The following ADAMTS6 variants were observed in gnomAD, a reference collection of about 807,000 sequenced individuals.
ADAMTS6 encodes the protein A disintegrin and metalloproteinase with thrombospondin motifs 6.
Under a neutral mutation model 144.3 loss-of-function variants are expected in ADAMTS6, and 23 were observed. That is an observed-to-expected ratio of 0.16 (90% CI 0.11 to 0.23). The LOEUF is 0.23. Among genes scored for constraint, ADAMTS6 ranks in the 10% least tolerant of loss-of-function variants. ADAMTS6 has a pLI of 1.00. For missense variants in ADAMTS6, 999 were observed against 1,379.6 expected (o/e 0.72, Z 4.37); for synonymous variants, 444 against 457.5 (o/e 0.97, Z 0.38).
rs1761191219 is a variant in ADAMTS6 at position 65,481,398 on chromosome 5, T to C, written c.-335A>G. On this transcript the variant is annotated 5_prime_UTR_variant, in exon 1 of 25. Coordinates refer to ENST00000381055, the MANE Select transcript of ADAMTS6 (RefSeq NM_197941.4). ...AAGTTTCAGACAATAGAGATTGCACTGGACGACTCACGTACTCCCTCTCCT... is the reference window on the plus strand; with the variant it reads ...AAGTTTCAGACAATAGAGATTGCACCGGACGACTCACGTACTCCCTCTCCT... 1 of 152,270 alleles carries C rather than the reference T, an allele frequency of 6.6e-6. No homozygotes were observed. The highest frequency in any genetic ancestry group is 2.1e-4 in the South Asian group (1 of 4,824). The allele number at this position is 152,270 out of a possible 1,614,324, so 9.4% of individuals were successfully genotyped here. A position where few individuals can be genotyped will look rare whatever the true frequency, so the allele number is the denominator to read the frequency against.
At chr5:65,388,083 G>T (rs1752619135) in intron 7 of ADAMTS6, among the ~76,000 whole-genome samples, 1 of 152,032 alleles carries the variant, frequency 6.6e-6, no homozygotes, top group Admixed American at 6.5e-5. Flanking sequence ...TGTGGCAGGT[G>T]CCTGTAATCC....
intron 19 of ADAMTS6, 44 bp downstream of exon 19, chr5:65,215,280 G>T: frequency 1.3e-6 from 2 of 1,593,602 alleles, no homozygotes; most frequent in Non-Finnish European, 8.6e-7. Flanking sequence ...CCTCACAAGG[G>T]GGAATTAAAA....
At chr5:65,303,065 A>C (rs1743592198) in intron 9 of ADAMTS6, among the ~76,000 whole-genome samples, 1 of 152,176 alleles carries the variant, frequency 6.6e-6, no homozygotes, top group Non-Finnish European at 1.5e-5. Context: ...ATTTGTGTCA[A>C]TGTTAAGAGA....
chr5:65,226,268 A>C (rs1261145227), intron 15 of ADAMTS6, 49 bp from the exon 16 acceptor site: 1 of 1,592,252 alleles, frequency 6.3e-7, no homozygotes, highest in Admixed American at 1.7e-5. Context: ...TGTCCTAATG[A>C]ACAGTGATTC....
chr5:65,241,904 G>A (rs1759221970), intron 15 of ADAMTS6, among the ~76,000 whole-genome samples, 200 bp downstream of exon 15: 1 of 152,060 alleles, frequency 6.6e-6, no homozygotes, highest in South Asian at 2.1e-4. Flanking sequence ...CTGATCATTT[G>A]TACTAATATA....
intron 7 of ADAMTS6, among the ~76,000 whole-genome samples, chr5:65,355,715 C>CA (rs1383007923): frequency 9.2e-5 from 14 of 151,836 alleles, no homozygotes; most frequent in African/African-American, 3.4e-4. Flanking sequence ...AAAGCATGAC[C>CA]AAGAAGTCTA....
intron 24 of ADAMTS6, among the ~76,000 whole-genome samples, chr5:65,154,249 C>T (rs1323756514): frequency 6.6e-6 from 1 of 152,112 alleles, no homozygotes; most frequent in Non-Finnish European, 1.5e-5. Flanking sequence ...TATGAATAGT[C>T]AGGGATTTTG....
chr5:65,464,951 A>G (rs996917667), intron 3 of ADAMTS6, among the ~76,000 whole-genome samples: 6 of 152,194 alleles, frequency 3.9e-5, no homozygotes, highest in African/African-American at 1.4e-4. Context: ...CCCAGCTTCA[A>G]TTCCACCTTC....
At chr5:65,290,838 T>C (rs1196588581) in intron 11 of ADAMTS6, among the ~76,000 whole-genome samples, 1 of 152,190 alleles carries the variant, frequency 6.6e-6, no homozygotes, top group Non-Finnish European at 1.5e-5. Flanking sequence ...GTTTCACTAC[T>C]TGAGCTAATG....
intron 9 of ADAMTS6, among the ~76,000 whole-genome samples, chr5:65,302,196 TATG>T (rs1193027792): frequency 2.8e-5 from 4 of 144,288 alleles, no homozygotes; most frequent in East Asian, 1.9e-4. Flanking sequence ...TATATATTTA[TATG>T]ATATTATACA....
At chr5:65,228,523 C>A (rs967338161) in intron 15 of ADAMTS6, among the ~76,000 whole-genome samples, 4 of 152,044 alleles carry the variant, frequency 2.6e-5, no homozygotes, top group Non-Finnish European at 4.4e-5. Context: ...TCAATTTTGA[C>A]AGCTACTTAT....
chr5:65,219,056 G>T (rs993635866), intron 18 of ADAMTS6, among the ~76,000 whole-genome samples: 1 of 152,004 alleles, frequency 6.6e-6, no homozygotes, highest in African/African-American at 2.4e-5. Flanking sequence ...CTAAAAGAAG[G>T]CATGAAAGGA....
intron 9 of ADAMTS6, among the ~76,000 whole-genome samples, chr5:65,313,765 T>C (rs113159783): frequency 3.9e-5 from 6 of 152,194 alleles, no homozygotes; most frequent in African/African-American, 1.4e-4. Context: ...TGAAAATGTT[T>C]CCATACCAGA....
At chr5:65,168,290 T>C (rs1269542123) in intron 24 of ADAMTS6, among the ~76,000 whole-genome samples, 1 of 151,622 alleles carries the variant, frequency 6.6e-6, no homozygotes, top group East Asian at 1.9e-4. Context: ...CACAATTGCT[T>C]CAAAGAGAAT....
At chr5:65,219,776 G>T (rs1281276079) in intron 18 of ADAMTS6, among the ~76,000 whole-genome samples, 4 of 152,160 alleles carry the variant, frequency 2.6e-5, no homozygotes. Flanking sequence ...ATATCAAGAA[G>T]ATGTAACAAT....
chr5:65,227,346 G>T (rs1386113312), intron 15 of ADAMTS6, among the ~76,000 whole-genome samples: 4 of 151,856 alleles, frequency 2.6e-5, no homozygotes, highest in Non-Finnish European at 4.4e-5. Flanking sequence ...CATAACTACA[G>T]TATATTGGAA....
At chr5:65,230,864 TAATACATATATATGAAATATATATAA>T (rs1758181499) in intron 15 of ADAMTS6, among the ~76,000 whole-genome samples, 1 of 138,416 alleles carries the variant, frequency 7.2e-6, no homozygotes, top group African/African-American at 2.6e-5. Flanking sequence ...GAAATATATA[TAATACATATATATGAAATATATATAA>T]AATACATATA....
chr5:65,420,862 T>C (rs761472652), intron 7 of ADAMTS6, among the ~76,000 whole-genome samples: 3 of 151,700 alleles, frequency 2.0e-5, no homozygotes, highest in Non-Finnish European at 2.9e-5. Flanking sequence ...CTGACAATAA[T>C]AGGAGGATGG....
chr5:65,242,077 T>C, intron 15 of ADAMTS6, 27 bp downstream of exon 15: 1 of 1,484,026 alleles, frequency 6.7e-7, no homozygotes, highest in South Asian at 1.3e-5. Context: ...TGCTCAAGCA[T>C]GAATGCTCTG....
Sources: gnomAD v4.1 joint callset for allele counts (sites outside exome capture counted in the v4.1 genomes callset) on GRCh38, gnomAD v4.1.1 for gene constraint, MANE v1.5 for transcripts, NCBI Gene and HGNC (gene_info 2026-07-23, HGNC 2026-07-21) for gene names.